Variants in WNK2 observed in about 807,000 individuals in gnomAD.
The protein encoded by WNK2 is WNK lysine deficient protein kinase 2.
Under a neutral mutation model 192.1 loss-of-function variants are expected in WNK2, and 67 were observed. That is an observed-to-expected ratio of 0.35 (90% CI 0.29 to 0.43). The LOEUF (loss-of-function observed/expected upper bound fraction) is 0.43, where lower values mean the gene tolerates loss of function less well. Ranked by LOEUF, WNK2 falls within the 20% of genes least tolerant of loss-of-function variation. WNK2 has a pLI of 1.00. For synonymous variants in WNK2, 1,439 were observed against 1,393.9 expected, an observed-to-expected ratio of 1.03 and a Z score of -0.72; for missense variants, 2,698 against 3,089.7, an observed-to-expected ratio of 0.87 and a Z score of 3.01.
chr9:93,235,786 G>A (rs1052745151), intron 5 of WNK2, among the ~76,000 whole-genome samples: 12 of 152,204 alleles, frequency 7.9e-5, no homozygotes, highest in African/African-American at 2.7e-4. Context: ...GTGGGGCCGC[G>A]CTGCCCCTCA....
At chr9:93,240,060 G>A (rs549267007) in intron 7 of WNK2, 84 bp downstream of exon 7, 7 of 1,422,830 alleles carry the variant, frequency 4.9e-6, no homozygotes, top group Non-Finnish European at 6.7e-6. Context: ...GTGGGCTGAG[G>A]GGGCTTGCTC....
At chr9:93,250,268 G>A (rs1842388153) in intron 8 of WNK2, among the ~76,000 whole-genome samples, 1 of 151,976 alleles carries the variant, frequency 6.6e-6, no homozygotes, top group Non-Finnish European at 1.5e-5. Flanking sequence ...CCACGTGTGT[G>A]TACACAGGCA....
At chr9:93,286,923 T>C (rs1367236788) in intron 19 of WNK2, among the ~76,000 whole-genome samples, 1 of 152,204 alleles carries the variant, frequency 6.6e-6, no homozygotes, top group Non-Finnish European at 1.5e-5. Context: ...ACTACACGAT[T>C]CATTCCTCTC....
At chr9:93,312,236 A>G (rs1408004560) in intron 28 of WNK2, among the ~76,000 whole-genome samples, 2 of 152,070 alleles carry the variant, frequency 1.3e-5, no homozygotes, top group Admixed American at 6.6e-5. Flanking sequence ...CTTGTTTTTC[A>G]TTTGTTGCCT....
chr9:93,249,883 C>G (rs1842295521), intron 8 of WNK2, among the ~76,000 whole-genome samples: 1 of 147,546 alleles, frequency 6.8e-6, no homozygotes, highest in Non-Finnish European at 1.5e-5. Context: ...TCATTGTCCT[C>G]CCTAGAGGCA....
chr9:93,306,461 C>CT (rs1180599907), intron 26 of WNK2, among the ~76,000 whole-genome samples: 1 of 151,838 alleles, frequency 6.6e-6, no homozygotes, highest in African/African-American at 2.4e-5. Flanking sequence ...GTGTGCTTTG[C>CT]TTTTTTCTTT....
At chr9:93,295,509 G>C (rs1850111145) in intron 23 of WNK2, among the ~76,000 whole-genome samples, 1 of 151,876 alleles carries the variant, frequency 6.6e-6, no homozygotes, top group African/African-American at 2.4e-5. Context: ...ATCAGAACTT[G>C]CTTCCTCATT....
At chr9:93,295,129 G>A (rs1588503399) in intron 23 of WNK2, among the ~76,000 whole-genome samples, 1 of 152,196 alleles carries the variant, frequency 6.6e-6, no homozygotes, top group Non-Finnish European at 1.5e-5. Context: ...GGGCTCTGTG[G>A]TGAGCAGCCC....
At chr9:93,275,055 T>C (rs990090764) in intron 19 of WNK2, among the ~76,000 whole-genome samples, 2 of 23,216 alleles carry the variant, frequency 8.6e-5, no homozygotes, top group African/African-American at 1.3e-4. Flanking sequence ...AATTCAGCAC[T>C]ATATTAAAAG....
intron 2 of WNK2, among the ~76,000 whole-genome samples, chr9:93,196,185 G>A (rs912800288): frequency 6.6e-6 from 1 of 152,096 alleles, no homozygotes; most frequent in African/African-American, 2.4e-5. Flanking sequence ...GCGTTAACAG[G>A]CTGACTGTTA....
At chr9:93,201,227 C>A (rs1832293473) in intron 2 of WNK2, among the ~76,000 whole-genome samples, 1 of 152,178 alleles carries the variant, frequency 6.6e-6, no homozygotes, top group South Asian at 2.1e-4. Flanking sequence ...GTGCGTTTCA[C>A]TGTCTGCTTA....
intron 2 of WNK2, among the ~76,000 whole-genome samples, chr9:93,202,231 C>T (rs948547885): frequency 6.6e-6 from 1 of 152,180 alleles, no homozygotes; most frequent in Non-Finnish European, 1.5e-5. Flanking sequence ...CACTCCTACC[C>T]ATGCCCCACT....
rs1178985719 is a variant in WNK2 at position 93,247,827 on chromosome 9, C to T, written c.1827C>T (p.Ser609=). 6 of 1,537,832 alleles carry T rather than the reference C, an allele frequency of 3.9e-6. No homozygotes were observed. In the South Asian group the frequency reaches 4.8e-5, roughly 12 times the overall value. The part of the protein sequence containing the change: ...LPPTLPTSAT[S]LASDSTFDSG... ...CTACGTTGCCGACCAGCGCCACCTC[C>T]CTGGCCTGTGAGTGCTCAGGGGTGG... is the stretch of plus-strand genomic sequence containing the variant. Residue 609 remains serine (S), a synonymous_variant, in exon 8 of 30, where the codon TCC becomes TCT. Coordinates refer to ENST00000427277, the MANE Select transcript of WNK2 (RefSeq NM_006648.4). This position sits in a 1 kb window ranked among gnomAD's most constrained non-coding sequence, Gnocchi z 5.2.
At chr9:93,271,485 A>T (rs891906590) in intron 19 of WNK2, among the ~76,000 whole-genome samples, 7 of 152,260 alleles carry the variant, frequency 4.6e-5, no homozygotes, top group Non-Finnish European at 1.0e-4. Flanking sequence ...ACTGTTATAA[A>T]TATAACTGAA....
intron 7 of WNK2, among the ~76,000 whole-genome samples, chr9:93,240,734 A>T (rs954257525): frequency 2.7e-4 from 41 of 152,312 alleles, no homozygotes; most frequent in African/African-American, 6.7e-4. Context: ...ATGTGGGGAC[A>T]GGTGCAGCAG....
rs149875021 is a variant in WNK2 at position 93,307,803 on chromosome 9, A to C, written c.6260-525A>C. The C allele has an allele frequency of 7.8e-3, 1,199 of 153,376 alleles. 22 individuals carry two copies. The highest frequency in any genetic ancestry group is 0.023 in the Admixed American group (354 of 15,392). The allele number at this position is 153,376 out of a possible 1,614,324, so 9.5% of individuals were successfully genotyped here. A position where few individuals can be genotyped will look rare whatever the true frequency, so the allele number is the denominator to read the frequency against. Reference sequence around the variant, plus strand: ...GGAATGCAAGTCAGGCAGCCCTGGCAGGCATTTTCCCGTGGGCCAGGGGGC... The same window carrying C: ...GGAATGCAAGTCAGGCAGCCCTGGCCGGCATTTTCCCGTGGGCCAGGGGGC... On this transcript the variant is annotated intron_variant, in intron 27 of 29. Coordinates refer to ENST00000427277, the MANE Select transcript of WNK2 (RefSeq NM_006648.4).
chr9:93,184,819 GC>G (rs1828980905), intron 1 of WNK2, 108 bp from the exon 2 acceptor site: 1 of 1,015,640 alleles, frequency 9.8e-7, no homozygotes, highest in Non-Finnish European at 1.2e-6. Context: ...TCTCTCCGCG[GC>G]CGGGGCTGGG....
intron 10 of WNK2, 154 bp downstream of exon 10, chr9:93,256,608 G>A (rs1843333811): frequency 1.1e-6 from 1 of 923,974 alleles, no homozygotes; most frequent in African/African-American, 1.7e-5. Flanking sequence ...GGATGGGAGT[G>A]ACTCTCGTAT....
At chr9:93,248,335 A>G (rs191232491) in intron 8 of WNK2, among the ~76,000 whole-genome samples, 10 of 152,392 alleles carry the variant, frequency 6.6e-5, no homozygotes, top group Admixed American at 3.9e-4. Context: ...TTAAGGCTCA[A>G]TGAAGTTCAT....
Sources: allele counts gnomAD v4.1 joint callset (sites outside exome capture counted in the v4.1 genomes callset), GRCh38; gene constraint gnomAD v4.1.1; non-coding constraint Gnocchi (gnomAD v3.1); transcripts MANE v1.5; gene names NCBI Gene and HGNC (gene_info 2026-07-23, HGNC 2026-07-21).